TBCK: variants seen among roughly 807,000 people sequenced by gnomAD.
TBCK encodes the protein TBC1 domain containing kinase.
TBCK carries 99 observed loss-of-function variants against 113.4 expected under a neutral mutation model. The observed-to-expected ratio is 0.87, with a 90% CI of 0.74 to 1.03. The LOEUF is 1.03. Ranked by LOEUF, TBCK falls within the 50% of genes least tolerant of loss-of-function variation. The pLI, the probability that TBCK is intolerant of heterozygous loss-of-function variation, is 0.00. For synonymous variants in TBCK, 369 were observed against 370.8 expected, an observed-to-expected ratio of 1.00 and a Z score of 0.05; for missense variants, 1,045 against 1,061.3, an observed-to-expected ratio of 0.98 and a Z score of 0.21.
At chr4:106,124,052 G>A (rs1185602266) in intron 23 of TBCK, among the ~76,000 whole-genome samples, 1 of 150,810 alleles carries the variant, frequency 6.6e-6, no homozygotes, top group African/African-American at 2.4e-5. Context: ...ACTACCATCA[G>A]AGTGAACAGG....
intron 22 of TBCK, among the ~76,000 whole-genome samples, chr4:106,190,088 G>T (rs983175742): frequency 1.3e-5 from 2 of 152,112 alleles, no homozygotes; most frequent in Non-Finnish European, 2.9e-5. Flanking sequence ...TAACAAAGAG[G>T]TCACAAATTA....
At chr4:106,167,692 T>A (rs533661053) in intron 23 of TBCK, among the ~76,000 whole-genome samples, 2 of 151,656 alleles carry the variant, frequency 1.3e-5, no homozygotes, top group African/African-American at 4.8e-5. Context: ...TCAGTACAGA[T>A]CCCATAGACA....
intron 7 of TBCK, among the ~76,000 whole-genome samples, chr4:106,249,282 C>T (rs1761176854): frequency 6.6e-6 from 1 of 152,120 alleles, no homozygotes; most frequent in East Asian, 1.9e-4. Flanking sequence ...TCTAAATATA[C>T]ACATGCAGAC....
In TBCK at chr4:106,216,382, G is replaced by A. The variant is rs185291912; in HGVS notation, c.1775-3547C>T. ...AACTAAAATCAGAGCAGAACTGAAGGAAATAGAGACACAAAAAACCCTTCA... is the reference window on the plus strand; with the variant it reads ...AACTAAAATCAGAGCAGAACTGAAGAAAATAGAGACACAAAAAACCCTTCA... On this transcript the variant is annotated intron_variant, in intron 19 of 25. Transcript: ENST00000394708. Among the ~76,000 whole-genome samples, 1,507 of 152,166 alleles carry A rather than the reference G, an allele frequency of 9.9e-3. 8 individuals are homozygous for A. Among genetic ancestry groups the A allele is most frequent in the Non-Finnish European group, 0.015 (1,003 of 68,018 alleles).
intron 23 of TBCK, among the ~76,000 whole-genome samples, chr4:106,157,630 C>T (rs1204675295): frequency 6.6e-6 from 1 of 152,098 alleles, no homozygotes; most frequent in Non-Finnish European, 1.5e-5. Context: ...AACAGGATAT[C>T]ACTGAGTTCA....
chr4:106,181,927 G>A (rs933934975), intron 22 of TBCK, among the ~76,000 whole-genome samples: 1 of 152,006 alleles, frequency 6.6e-6, no homozygotes, highest in Non-Finnish European at 1.5e-5. Flanking sequence ...AGCTTGATGG[G>A]GATAGCATTG....
At chr4:106,217,100 G>C (rs1757038968) in intron 19 of TBCK, among the ~76,000 whole-genome samples, 1 of 151,410 alleles carries the variant, frequency 6.6e-6, no homozygotes, top group African/African-American at 2.4e-5. Flanking sequence ...CATATAAACA[G>C]AGCCAAAGAC....
intron 25 of TBCK, among the ~76,000 whole-genome samples, chr4:106,067,613 G>GGAAA (rs1736802580): frequency 6.6e-6 from 1 of 151,958 alleles, no homozygotes; most frequent in Non-Finnish European, 1.5e-5. Flanking sequence ...TCCTCTAAGA[G>GGAAA]TTTTATAGTT....
intron 24 of TBCK, among the ~76,000 whole-genome samples, chr4:106,100,279 TA>T (rs201900315): frequency 1.0e-5 from 1 of 98,754 alleles, no homozygotes; most frequent in Admixed American, 9.3e-5. Context: ...ATCACTTACA[TA>T]TTTGGTGAGT....
intron 23 of TBCK, among the ~76,000 whole-genome samples, chr4:106,120,418 T>A (rs977316208): frequency 6.6e-6 from 1 of 152,084 alleles, no homozygotes; most frequent in South Asian, 2.1e-4. Context: ...CAGGCTTGCT[T>A]AGGTAAACAA....
chr4:106,284,834 A>G (rs1004703484), intron 3 of TBCK, among the ~76,000 whole-genome samples: 1 of 152,100 alleles, frequency 6.6e-6, no homozygotes, highest in Non-Finnish European at 1.5e-5. Flanking sequence ...TGTTTTTTAA[A>G]TATTCTCTGG....
At chr4:106,314,616 ATTTTTTTTTTT>A (rs869091052) in intron 1 of TBCK, among the ~76,000 whole-genome samples, 3 of 102,060 alleles carry the variant, frequency 2.9e-5, no homozygotes, top group Non-Finnish European at 5.8e-5. Context: ...ATACTACTTG[ATTTTTTTTTTT>A]TTTTTTTTTT....
intron 3 of TBCK, among the ~76,000 whole-genome samples, chr4:106,276,348 G>A (rs370411160): frequency 7.9e-5 from 12 of 152,268 alleles, no homozygotes; most frequent in African/African-American, 2.9e-4. Context: ...GTAGGCAAAG[G>A]TTTCTCAAAC....
chr4:106,262,729 C>A (rs1762620676), intron 3 of TBCK, among the ~76,000 whole-genome samples: 1 of 151,818 alleles, frequency 6.6e-6, no homozygotes, highest in Non-Finnish European at 1.5e-5. Context: ...CTCTTTAATT[C>A]TTATCCTATC....
At chr4:106,294,761 G>A (rs1328731882) in intron 3 of TBCK, among the ~76,000 whole-genome samples, 4 of 151,986 alleles carry the variant, frequency 2.6e-5, no homozygotes, top group African/African-American at 4.8e-5. Flanking sequence ...CATTACAGGC[G>A]TGAGCCACCA....
intron 23 of TBCK, among the ~76,000 whole-genome samples, chr4:106,123,695 C>T (rs1232486329): frequency 3.3e-5 from 5 of 151,964 alleles, no homozygotes; most frequent in African/African-American, 7.3e-5. Context: ...GAAATAACGT[C>T]GCATATCTAC....
intron 25 of TBCK, among the ~76,000 whole-genome samples, chr4:106,091,718 C>T (rs1317147198): frequency 6.6e-6 from 1 of 152,020 alleles, no homozygotes; most frequent in African/African-American, 2.4e-5. Flanking sequence ...GCAGTGTGGA[C>T]CCAAAGAATG....
chr4:106,137,492 A>C lies in TBCK; in HGVS notation c.2236-21114T>G, dbSNP rs1282227097. Among the ~76,000 whole-genome samples the C allele has an allele frequency of 5.0e-5, 7 of 140,700 alleles. 1 individual carries two copies. Among genetic ancestry groups the C allele is most frequent in the Non-Finnish European group, 1.1e-4 (7 of 62,002 alleles). 92.3% of individuals were successfully genotyped at this position (140,700 alleles called of 152,430 possible). On this transcript the variant is annotated intron_variant, in intron 23 of 25. Coordinates refer to ENST00000394708, the MANE Select transcript of TBCK (RefSeq NM_001163435.3). ...TATCACTCTCAAAGGAATTTTAACA[A>C]GAAAAGTTACCTTCAAAAACTATCA...
rs1747185826 is a variant in TBCK at position 106,141,918 on chromosome 4, TTA to T, written c.2236-25542_2236-25541del. On this transcript the variant is annotated intron_variant, in intron 23 of 25. Coordinates refer to ENST00000394708, the MANE Select transcript of TBCK (RefSeq NM_001163435.3). Reference sequence around the variant, plus strand: ...ACACAGCACCAAACACATGGTATAATTATAATCTTAACTCTTGGTACTAGAAA... The same window carrying T: ...ACACAGCACCAAACACATGGTATAATTAATCTTAACTCTTGGTACTAGAAA... 3.5e-5 allele frequency among the ~76,000 whole-genome samples: 5 copies of T among 141,502 alleles called. 2 individuals are homozygous for T. The highest frequency in any genetic ancestry group is 3.5e-4 in the Admixed American group (5 of 14,380). The allele number at this position is 141,502 out of a possible 152,430, so 92.8% of individuals were successfully genotyped here.
Sources: gnomAD v4.1 joint callset for allele counts (sites outside exome capture counted in the v4.1 genomes callset) on GRCh38, gnomAD v4.1.1 for gene constraint, MANE v1.5 for transcripts, NCBI Gene and HGNC (gene_info 2026-07-23, HGNC 2026-07-21) for gene names.